DGKH: variants seen among roughly 807,000 people sequenced by gnomAD.
DGKH encodes the protein diacylglycerol kinase eta, also known as DAG kinase eta.
In DGKH, 90 loss-of-function variants were observed where a neutral mutation model predicts 159.3. The observed-to-expected ratio is 0.57, with a 90% CI of 0.48 to 0.67. The LOEUF (loss-of-function observed/expected upper bound fraction) is 0.67. DGKH is among the 30% of genes least tolerant of loss of function. The pLI, the probability that DGKH is intolerant of heterozygous loss-of-function variation, is 0.00. For synonymous variants in DGKH, 536 were observed against 553.8 expected (o/e 0.97, Z 0.45); for missense variants, 1,181 against 1,506.1 (o/e 0.78, Z 3.57).
intron 1 of DGKH, among the ~76,000 whole-genome samples, chr13:42,050,019 T>G (rs935684232): frequency 2.0e-5 from 3 of 152,232 alleles, no homozygotes; most frequent in Admixed American, 2.0e-4. Context: ...ACAGTTATTT[T>G]TATGAAAAAT....
chr13:42,208,686 T>A (rs930503868), intron 21 of DGKH, among the ~76,000 whole-genome samples: 3 of 151,906 alleles, frequency 2.0e-5, no homozygotes, highest in African/African-American at 7.2e-5. Context: ...CAAGGTGAAT[T>A]ATTTAGAAAT....
chr13:42,070,710 A>G, intron 1 of DGKH: 2 of 1,610,670 alleles, frequency 1.2e-6, no homozygotes, highest in Non-Finnish European at 1.7e-6. Flanking sequence ...AAAGCCTGGC[A>G]TGCTCTTCCA....
At chr13:42,195,101 G>A (rs1693436015) in intron 17 of DGKH, 85 bp downstream of exon 17, 1 of 1,484,492 alleles carries the variant, frequency 6.7e-7, no homozygotes, top group Admixed American at 2.1e-5. Flanking sequence ...GTGGAAACAT[G>A]TTCTTAAAGA....
At chr13:42,078,279 T>C (rs1954136139) in intron 1 of DGKH, among the ~76,000 whole-genome samples, 1 of 152,208 alleles carries the variant, frequency 6.6e-6, no homozygotes, top group East Asian at 1.9e-4. Context: ...AATCAGAGGC[T>C]GCCACTGGAC....
At chr13:42,174,302 C>G (rs1956546445) in intron 12 of DGKH, among the ~76,000 whole-genome samples, 158 bp downstream of exon 12, 1 of 152,088 alleles carries the variant, frequency 6.6e-6, no homozygotes, top group Admixed American at 6.5e-5. Flanking sequence ...ACCTCTAGTC[C>G]TCTCCCCCAG....
chr13:42,231,415 G>A lies in DGKH; in HGVS notation c.*2227G>A, dbSNP rs528960013. ...TTATTCTAATTGTATCTGCACTTACGAAGTCAGAGGTCTCCTTTTTCAGTC... is the reference window on the plus strand; with the variant it reads ...TTATTCTAATTGTATCTGCACTTACAAAGTCAGAGGTCTCCTTTTTCAGTC... On this transcript the variant is annotated 3_prime_UTR_variant, in exon 30 of 30. Coordinates refer to ENST00000337343, the MANE Select transcript of DGKH (RefSeq NM_178009.5). 1.3e-5 allele frequency: 2 copies of A among 152,188 alleles called. No individual in the cohort carries two copies. Among genetic ancestry groups the A allele is most frequent in the East Asian group, 3.9e-4 (2 of 5,186 alleles). The allele number at this position is 152,188 out of a possible 1,614,324, so 9.4% of individuals were successfully genotyped here.
upstream of DGKH, chr13:42,044,120 C>T (rs1312775108): frequency 6.6e-6 from 1 of 152,300 alleles, no homozygotes; most frequent in Non-Finnish European, 1.5e-5. Context: ...AGCCTCCTAA[C>T]GTGCTGGGAT....
chr13:42,046,147 T>C (rs2137627488), upstream of DGKH, among the ~76,000 whole-genome samples: 1 of 152,324 alleles, frequency 6.6e-6, no homozygotes, highest in African/African-American at 2.4e-5. Context: ...AATAAAAATG[T>C]AAGATGCATC....
At chr13:42,099,976 C>G (rs186347893) in intron 1 of DGKH, among the ~76,000 whole-genome samples, 1 of 152,314 alleles carries the variant, frequency 6.6e-6, no homozygotes, top group African/African-American at 2.4e-5. Context: ...CAAACAGATA[C>G]ATTATTGTGA....
chr13:42,109,637 GCTGTGCGTGCGTGC>G (rs67796476), intron 1 of DGKH, among the ~76,000 whole-genome samples: 64,303 of 151,074 alleles, frequency 0.43, 13,873 homozygotes, highest in Non-Finnish European at 0.46. Flanking sequence ...CCCATGTGCA[GCTGTGCGTGCGTGC>G]CTGTGCGTGC....
intron 3 of DGKH, among the ~76,000 whole-genome samples, chr13:42,154,353 T>C (rs74051529): frequency 0.1 from 15,312 of 152,238 alleles, 1,862 homozygotes; most frequent in African/African-American, 0.29. Context: ...TGACAGTAAA[T>C]GTGTAGGATT....
intron 5 of DGKH, 22 bp from the exon 6 acceptor site, chr13:42,159,244 C>CTTTTTTTTTTTTTTTTCTTTTTTTTT (rs1956117146): frequency 5.0e-6 from 1 of 200,416 alleles, no homozygotes; most frequent in Non-Finnish European, 8.6e-6. Context: ...AGCAGTTGCT[C>CTTTTTTTTTTTTTTTTCTTTTTTTTT]TTTTTTTTTT....
chr13:42,236,370 A>G lies in DGKH; in HGVS notation c.*7182A>G, dbSNP rs1404944602. The G allele has an allele frequency of 6.6e-6, 1 of 152,222 alleles. No individual in the cohort carries two copies. The highest frequency in any genetic ancestry group is 1.5e-5 in the Non-Finnish European group (1 of 68,032). 9.4% of individuals were successfully genotyped at this position (152,222 alleles called of 1,614,324 possible). A position where few individuals can be genotyped will look rare whatever the true frequency, so the allele number is the denominator to read the frequency against. On this transcript the variant is annotated 3_prime_UTR_variant, in exon 30 of 30. Coordinates refer to ENST00000337343, the MANE Select transcript of DGKH (RefSeq NM_178009.5). ...TTAAAAAACTGTATTCTTTACTGCA[A>G]TAGATAGCGGAATAGTAATAGACAC...
In DGKH at chr13:42,081,552, A is replaced by G. The variant is rs77016675; in HGVS notation, c.192+32587A>G. On this transcript the variant is annotated intron_variant, in intron 1 of 29. Transcript: ENST00000337343. ...GCCTTTTTCTCCTATTTTTAAAATT[A>G]TCTTTGTATATATCAGTTTGGACTT... Among the ~76,000 whole-genome samples the G allele has an allele frequency of 6.7e-3, 1,028 of 152,324 alleles. 9 individuals carry two copies. The highest frequency in any genetic ancestry group is 0.024 in the African/African-American group (986 of 41,572).
At chr13:42,104,616 T>C (rs960435896) in intron 1 of DGKH, among the ~76,000 whole-genome samples, 9 of 152,270 alleles carry the variant, frequency 5.9e-5, no homozygotes, top group Non-Finnish European at 1.0e-4. Flanking sequence ...TGGCCTAAAG[T>C]TGTTCACATG....
intron 3 of DGKH, among the ~76,000 whole-genome samples, chr13:42,134,837 C>T (rs1214431424): frequency 2.6e-5 from 4 of 152,048 alleles, no homozygotes; most frequent in Non-Finnish European, 4.4e-5. Context: ...ATTAGCTGGA[C>T]GTATTGGTGC....
In DGKH at chr13:42,199,843, A is replaced by G. The variant is rs1282056328; in HGVS notation, c.2427A>G (p.Gly809=). The G allele has an allele frequency of 1.2e-6, 2 of 1,612,414 alleles. No individual in the cohort carries two copies. The highest frequency in any genetic ancestry group is 1.7e-6 in the Non-Finnish European group (2 of 1,179,420). Residue 809 remains glycine, a synonymous_variant, in exon 20 of 30, where the codon GGA becomes GGG. Coordinates refer to ENST00000337343, the MANE Select transcript of DGKH (RefSeq NM_178009.5). ...RSRTKNLMWY[G]VLGTRELLQR... is the part of the protein sequence containing the mutation. ...GAACTAAAAACTTGATGTGGTATGG[A>G]GTCCTTGGAACCCGGGAGTTATTAC...
chr13:42,187,560 G>C (rs1706818917), intron 14 of DGKH, among the ~76,000 whole-genome samples: 1 of 152,130 alleles, frequency 6.6e-6, no homozygotes, highest in South Asian at 2.1e-4. Context: ...ATTTCTAGTA[G>C]AGACGGGGTT....
chr13:42,043,708 C>T (rs1880645933), upstream of DGKH: 1 of 152,148 alleles, frequency 6.6e-6, no homozygotes. Flanking sequence ...AAGGAATGTT[C>T]AATACTGAAC....
Sources: allele counts gnomAD v4.1 joint callset (sites outside exome capture counted in the v4.1 genomes callset), GRCh38; gene constraint gnomAD v4.1.1; transcripts MANE v1.5; gene names NCBI Gene and HGNC (gene_info 2026-07-23, HGNC 2026-07-21).